The following MTA3 variants were observed in gnomAD, a reference collection of about 807,000 sequenced individuals.
MTA3 encodes the protein metastasis-associated protein MTA3.
MTA3 carries 34 observed loss-of-function variants against 83.5 expected under a neutral mutation model. The ratio of observed to expected loss-of-function variants is 0.41; its 90% CI spans 0.31 to 0.54. The LOEUF is 0.54. MTA3 is among the 20% of genes least tolerant of loss of function. The pLI is 0.33. For missense variants in MTA3, 761 were observed against 726.4 expected, an observed-to-expected ratio of 1.05 and a Z score of -0.55; for synonymous variants, 303 against 252.7, an observed-to-expected ratio of 1.20 and a Z score of -1.89.
At chr2:42,633,241 T>C (rs1422748085) in intron 4 of MTA3, among the ~76,000 whole-genome samples, 1 of 151,456 alleles carries the variant, frequency 6.6e-6, no homozygotes, top group Non-Finnish European at 1.5e-5. Flanking sequence ...ATCGCACCAC[T>C]GTATTCCAGC....
rs113008417 is a variant in MTA3, at chr2:42,660,077, G to GT, written c.702+228dup. ...TGTCTGTTCATTAGAAAGAGGGGCTGTTTTTTTTTTTTTCTTTCTTTTTAT... is the reference window on the plus strand; with the variant it reads ...TGTCTGTTCATTAGAAAGAGGGGCTGTTTTTTTTTTTTTTCTTTCTTTTTAT... On this transcript the variant is annotated intron_variant, in intron 8 of 16. Transcript: ENST00000405094. Among the ~76,000 whole-genome samples, 746 of 143,682 alleles carry GT rather than the reference G, an allele frequency of 5.2e-3. 1 individual carries two copies. Among genetic ancestry groups the GT allele is most frequent in the Middle Eastern group, 0.011 (3 of 278 alleles). 94.3% of individuals were successfully genotyped at this position (143,682 alleles called of 152,430 possible). A position where few individuals can be genotyped will look rare whatever the true frequency, so the allele number is the denominator to read the frequency against.
At chr2:42,683,447 C>G (rs972787468) in intron 9 of MTA3, among the ~76,000 whole-genome samples, 1 of 152,144 alleles carries the variant, frequency 6.6e-6, no homozygotes, top group African/African-American at 2.4e-5. Context: ...TTGTGGAAGA[C>G]AGTTTTTCCA....
At chr2:42,550,268 T>C (rs1261260224) in intron 2 of MTA3, among the ~76,000 whole-genome samples, 2 of 152,202 alleles carry the variant, frequency 1.3e-5, no homozygotes, top group African/African-American at 4.8e-5. Flanking sequence ...GCATGATAAT[T>C]GCTTAGTTAA....
intron 8 of MTA3, among the ~76,000 whole-genome samples, chr2:42,669,656 T>G (rs1429809470): frequency 6.6e-6 from 1 of 152,218 alleles, no homozygotes; most frequent in Non-Finnish European, 1.5e-5. Flanking sequence ...CGTCTTTTTG[T>G]TGATGATCTA....
intron 8 of MTA3, among the ~76,000 whole-genome samples, chr2:42,670,333 A>G (rs572162830): frequency 1.3e-5 from 2 of 152,092 alleles, no homozygotes; most frequent in Admixed American, 1.3e-4. Flanking sequence ...TCCTGTATTC[A>G]CTTCATCCAG....
intron 7 of MTA3, 42 bp downstream of exon 7, chr2:42,656,344 A>G: frequency 7.9e-7 from 1 of 1,273,048 alleles, no homozygotes; most frequent in Non-Finnish European, 1.1e-6. Context: ...AAATTTCTTT[A>G]TATAAAAGAA....
At chr2:42,690,008 G>C (rs1692733941) in intron 9 of MTA3, among the ~76,000 whole-genome samples, 1 of 151,442 alleles carries the variant, frequency 6.6e-6, no homozygotes, top group Non-Finnish European at 1.5e-5. Context: ...CTACAGATGT[G>C]GTAACACACC....
intron 3 of MTA3, among the ~76,000 whole-genome samples, chr2:42,583,300 G>A (rs1415192661): frequency 6.6e-6 from 1 of 152,070 alleles, no homozygotes; most frequent in South Asian, 2.1e-4. Context: ...CTATATATCC[G>A]GGAATGGTGG....
chr2:42,550,439 A>C (rs1213995519), intron 2 of MTA3, among the ~76,000 whole-genome samples: 1 of 152,136 alleles, frequency 6.6e-6, no homozygotes, highest in Non-Finnish European at 1.5e-5. Flanking sequence ...ACAGTAGTGT[A>C]ATGGAGGTGT....
upstream of MTA3, chr2:42,568,628 C>G: frequency 5.3e-6 from 3 of 566,814 alleles, no homozygotes; most frequent in Non-Finnish European, 7.4e-6. Flanking sequence ...CTCCCTTCCC[C>G]CCCGTGGCGA....
intron 8 of MTA3, among the ~76,000 whole-genome samples, chr2:42,663,908 A>T (rs1689971797): frequency 6.6e-6 from 1 of 152,066 alleles, no homozygotes; most frequent in Admixed American, 6.5e-5. Flanking sequence ...TTTGTATCAC[A>T]TATATTCTTT....
At chr2:42,640,545 G>T (rs549161267) in intron 5 of MTA3, among the ~76,000 whole-genome samples, 1 of 152,190 alleles carries the variant, frequency 6.6e-6, no homozygotes, top group Admixed American at 6.5e-5. Context: ...AGTGTGCTTG[G>T]CTCCCCTTTC....
intron 4 of MTA3, among the ~76,000 whole-genome samples, chr2:42,622,282 T>C (rs1012126723): frequency 6.6e-6 from 1 of 151,906 alleles, no homozygotes; most frequent in Non-Finnish European, 1.5e-5. Context: ...GGCGCGCGCC[T>C]GCAATCGCAG....
intron 14 of MTA3, among the ~76,000 whole-genome samples, chr2:42,715,469 G>A (rs527849771): frequency 6.9e-6 from 1 of 145,026 alleles, no homozygotes; most frequent in South Asian, 2.2e-4. Flanking sequence ...CTGGAGTGCA[G>A]TAGCGTGATC....
chr2:42,710,952 G>A (rs910827882), intron 14 of MTA3, among the ~76,000 whole-genome samples: 6 of 152,008 alleles, frequency 3.9e-5, no homozygotes, highest in African/African-American at 1.4e-4. Context: ...GGTGGCACAC[G>A]CCTGTAATCC....
chr2:42,587,697 A>G lies in MTA3; in HGVS notation c.190+8497A>G, dbSNP rs143678346. 5.9e-5 allele frequency among the ~76,000 whole-genome samples: 9 copies of G among 152,064 alleles called. No individual in the cohort carries two copies. The East Asian group carries it at 1.7e-3, about 29-fold the overall frequency. Reference sequence around the variant, plus strand: ...CTGAAACCGCTGCCTTGAGGTAGGGATTCAAGTGATTCTCCTGCTTCAGCC... The same window carrying G: ...CTGAAACCGCTGCCTTGAGGTAGGGGTTCAAGTGATTCTCCTGCTTCAGCC... On this transcript the variant is annotated intron_variant, in intron 3 of 16. Coordinates refer to ENST00000405094, the MANE Select transcript of MTA3 (RefSeq NM_001330442.2).
intron 9 of MTA3, among the ~76,000 whole-genome samples, chr2:42,687,919 C>A (rs1442711094): frequency 6.6e-6 from 1 of 152,172 alleles, no homozygotes; most frequent in East Asian, 1.9e-4. Flanking sequence ...GTGTTTAGCA[C>A]CATGAAGAAA....
At chr2:42,536,801 G>A (rs944596566) in intron 2 of MTA3, among the ~76,000 whole-genome samples, 3 of 146,026 alleles carry the variant, frequency 2.1e-5, no homozygotes, top group Non-Finnish European at 4.5e-5. Context: ...AGAGCTTGCA[G>A]TGAGCCAAGA....
upstream of MTA3, among the ~76,000 whole-genome samples, chr2:42,566,076 C>T (rs1252787339): frequency 6.6e-6 from 1 of 152,106 alleles, no homozygotes; most frequent in Admixed American, 6.6e-5. Flanking sequence ...TATTTTGTAA[C>T]CCCTCTTGAG....
Sources: allele counts gnomAD v4.1 joint callset (sites outside exome capture counted in the v4.1 genomes callset), GRCh38; gene constraint gnomAD v4.1.1; transcripts MANE v1.5; gene names NCBI Gene and HGNC (gene_info 2026-07-23, HGNC 2026-07-21).